The following PCSK7 variants were observed in gnomAD, a reference collection of about 807,000 sequenced individuals.
PCSK7 encodes lymphoma proprotein convertase.
Under a neutral mutation model 73.3 loss-of-function variants are expected in PCSK7, and 38 were observed. The observed-to-expected ratio is 0.52, with a 90% CI of 0.40 to 0.68. The LOEUF (loss-of-function observed/expected upper bound fraction) is 0.68, where lower values mean the gene tolerates loss of function less well. PCSK7 is among the 30% of genes least tolerant of loss of function. PCSK7 has a pLI of 0.00. For synonymous variants in PCSK7, 296 were observed against 383.8 expected (o/e 0.77, Z 2.68); for missense variants, 692 against 991.5 (o/e 0.70, Z 4.06).
chr11:117,225,808 T>C (rs1332380474), intron 6 of PCSK7, 123 bp downstream of exon 6: 18 of 675,222 alleles, frequency 2.7e-5, no homozygotes, highest in Non-Finnish European at 4.0e-5. Context: ...AATGGACTTA[T>C]TAGCTGAACC....
At chr11:117,223,527 G>A (rs559509469) in intron 8 of PCSK7, 1 of 567,988 alleles carries the variant, frequency 1.8e-6, no homozygotes, top group South Asian at 2.2e-5. Context: ...CATTCTTTCA[G>A]TAGGCTCTGG....
At chr11:117,226,133 A>T in intron 5 of PCSK7, 112 bp from the exon 6 acceptor site, 5 of 663,602 alleles carry the variant, frequency 7.5e-6, no homozygotes, top group Admixed American at 2.5e-5. Flanking sequence ...TGCTCTTTGT[A>T]CATTTTGCTT....
In PCSK7 at chr11:117,219,420, C is replaced by T. The variant is rs535787779; in HGVS notation, c.1323+171G>A. ...CTTTGCAGATAAAATGAGTTTAGGC[C>T]TGTGGTCTTTGTGGGGTCCCCACAC... On this transcript the variant is annotated intron_variant, in intron 10 of 16. Transcript: ENST00000320934. 64 of 685,846 alleles carry T rather than the reference C, an allele frequency of 9.3e-5. No homozygotes were observed. In the East Asian group the frequency reaches 1.6e-3, roughly 17 times the overall value. 42.5% of individuals were successfully genotyped at this position (685,846 alleles called of 1,614,324 possible). A position where few individuals can be genotyped will look rare whatever the true frequency, so the allele number is the denominator to read the frequency against.
In PCSK7 at chr11:117,206,114, G is replaced by T; in HGVS notation, c.2241C>A (p.Leu747=). The T allele has an allele frequency of 6.3e-7, 1 of 1,595,762 alleles. No individual in the cohort carries two copies. The highest frequency in any genetic ancestry group is 1.7e-4 in the Middle Eastern group (1 of 5,960). Residue 747 remains leucine (L), a synonymous_variant, in exon 17 of 17, where the codon CTC becomes CTA. Transcript: ENST00000320934. ...CTTGCTCCAGCAGGTCTGGGGCAAG[G>T]AGGTCAGAGGTGGTGGGAGGGCCCC... The part of the protein sequence containing the change: ...ESRGPPTTSD[L]LAPDLLEQGD...
intron 12 of PCSK7, chr11:117,210,360 CTT>C (rs58512680): frequency 1.6e-4 from 22 of 133,948 alleles, no homozygotes; most frequent in Admixed American, 3.0e-4. Flanking sequence ...GAGAACGATT[CTT>C]TTTTTTTTTT....
chr11:117,226,778 A>C, intron 5 of PCSK7: 1 of 185,604 alleles, frequency 5.4e-6, no homozygotes, highest in Non-Finnish European at 1.1e-5. Flanking sequence ...CCAGGGAGGA[A>C]TAGGGCTGCT....
Position 117,218,871 on chromosome 11 carries a change from A to C in PCSK7, c.1431+186T>G. ...TATTAGTAGTTTGGAAACTTCAGTGATAGCATTGAGCCTGCTTTCTCATTT... is the reference window on the plus strand; with the variant it reads ...TATTAGTAGTTTGGAAACTTCAGTGCTAGCATTGAGCCTGCTTTCTCATTT... On this transcript the variant is annotated intron_variant, in intron 11 of 16. Transcript: ENST00000320934. The surrounding 1 kb of genome is among the most constrained non-coding windows in gnomAD (Gnocchi z 4.0). The C allele has an allele frequency of 1.7e-6, 1 of 589,806 alleles. No individual in the cohort carries two copies. Among genetic ancestry groups the C allele is most frequent in the East Asian group, 2.8e-5 (1 of 35,918 alleles). The allele number at this position is 589,806 out of a possible 1,614,324, so 36.5% of individuals were successfully genotyped here.
chr11:117,224,336 G>A (rs2032325965), intron 7 of PCSK7, 120 bp from the exon 8 acceptor site: 1 of 958,762 alleles, frequency 1.0e-6, no homozygotes, highest in African/African-American at 1.6e-5. Context: ...AAAGGGCACT[G>A]GGCATGGGGG....
In PCSK7 at chr11:117,208,819, G is replaced by A. The variant is rs1383841385; in HGVS notation, c.1691+78C>T. On this transcript the variant is annotated intron_variant, in intron 13 of 16. Coordinates refer to ENST00000320934, the MANE Select transcript of PCSK7 (RefSeq NM_004716.4). ...CCACAGTAGTTTAGGACAGTGCCAG[G>A]ATCCACTTCTTCCATTTCTTTTCCC... The A allele has an allele frequency of 5.7e-5, 80 of 1,402,742 alleles. No individual in the cohort carries two copies. The African/African-American group carries it at 1.0e-3, about 18-fold the overall frequency. The allele number at this position is 1,402,742 out of a possible 1,614,324, so 86.9% of individuals were successfully genotyped here.
chr11:117,219,791 G>C, intron 9 of PCSK7, 33 bp from the exon 10 acceptor site: 2 of 1,532,086 alleles, frequency 1.3e-6, no homozygotes, highest in African/African-American at 1.4e-5. Flanking sequence ...AAGTAGGTTA[G>C]AGACTGAGTT....
At position 117,229,821 on chromosome 11, in the gene PCSK7, C is replaced by G; in HGVS notation, c.24G>C (p.Val8=). Reference sequence around the variant, plus strand: ...GGCCCAGGGGGGCATCCAAGTGTGGCACTTTCTGCCTCCCCTTCGGCATCA... The same window carrying G: ...GGCCCAGGGGGGCATCCAAGTGTGGGACTTTCTGCCTCCCCTTCGGCATCA... MPKGRQK[V]PHLDAPLGLP... is the part of the protein sequence containing the mutation. The change falls in exon 3 of 17, where the codon GTG becomes GTC. Residue 8 remains valine (V), a synonymous_variant. Transcript: ENST00000320934. 6.3e-7 allele frequency: 1 copy of G among 1,576,436 alleles called. No individual in the cohort carries two copies.
At chr11:117,231,144 C>T (rs528872813) in intron 1 of PCSK7, 1 of 152,062 alleles carries the variant, frequency 6.6e-6, no homozygotes, top group Admixed American at 6.6e-5. Context: ...GGCTGGGCTC[C>T]TTTAAAAGCC....
Position 117,219,844 on chromosome 11 carries a change from G to A in PCSK7, c.1156-86C>T, listed in dbSNP as rs1354509879. The A allele has an allele frequency of 9.2e-6, 9 of 974,700 alleles. No individual in the cohort carries two copies. In the East Asian group the frequency reaches 2.7e-4, roughly 29 times the overall value. The allele number at this position is 974,700 out of a possible 1,614,324, so 60.4% of individuals were successfully genotyped here. On this transcript the variant is annotated intron_variant, in intron 9 of 16. Coordinates refer to ENST00000320934, the MANE Select transcript of PCSK7 (RefSeq NM_004716.4). The stretch of plus-strand genomic sequence containing the variant: ...TGTGCACCTATAGTCCCGGCTACCT[G>A]GGAGGCCCAGGCAGGAGGATTGCTT...
At chr11:117,210,944 AAAT>A (rs2031703891) in intron 12 of PCSK7, 1 of 152,224 alleles carries the variant, frequency 6.6e-6, no homozygotes, top group African/African-American at 2.4e-5. Context: ...TCAAAAAAAA[AAAT>A]TATTCCAATA....
At chr11:117,227,109 G>A in intron 5 of PCSK7, 48 bp downstream of exon 5, 3 of 1,479,512 alleles carry the variant, frequency 2.0e-6, no homozygotes, top group East Asian at 2.3e-5. Flanking sequence ...AATGAAGACT[G>A]TGGTCACAGG....
intron 12 of PCSK7, chr11:117,216,068 G>A (rs906759165): frequency 1.3e-5 from 2 of 152,102 alleles, no homozygotes; most frequent in Non-Finnish European, 2.9e-5. Flanking sequence ...TTGAACTCAT[G>A]AGCGTAAACA....
intron 12 of PCSK7, chr11:117,216,290 G>C (rs1262916778): frequency 6.6e-6 from 1 of 152,084 alleles, no homozygotes; most frequent in Non-Finnish European, 1.5e-5. Flanking sequence ...TCTATCTCAG[G>C]GATGTTCAGC....
rs1358113485 is a variant in PCSK7, at chr11:117,206,250, C to G, written c.2105G>C (p.Gly702Ala). Residue 702 changes from glycine (G) to alanine (A), a missense_variant, in exon 17 of 17, where the codon GGA (glycine) becomes GCA (alanine). Around this residue, in one of 6 missense-constraint regions of PCSK7, gnomAD observed 78 missense variants for 102.6 expected, o/e 0.76. Transcript: ENST00000320934. ...NVASNQVCRS[G>A]PCHWPHRSRK... is the part of the protein sequence containing the mutation. ...GCTCCGATGGGGCCAGTGGCAGGGTCCACTCCTACAAACTTGATTGGAAGC... is the reference window on the plus strand; with the variant it reads ...GCTCCGATGGGGCCAGTGGCAGGGTGCACTCCTACAAACTTGATTGGAAGC... 8 of 1,614,038 alleles carry G rather than the reference C, an allele frequency of 5.0e-6. No individual in the cohort carries two copies. The highest frequency in any genetic ancestry group is 6.8e-6 in the Non-Finnish European group (8 of 1,180,028).
chr11:117,213,054 G>C (rs1189178165), intron 12 of PCSK7: 1 of 152,252 alleles, frequency 6.6e-6, no homozygotes, highest in East Asian at 1.9e-4. Flanking sequence ...CTTCCTTAGT[G>C]GCAGGAGACA....
Sources: gnomAD v4.1 joint callset for allele counts on GRCh38, gnomAD v4.1.1 for gene constraint, gnomAD v4.1.1 regional missense constraint, Gnocchi (gnomAD v3.1) non-coding constraint, MANE v1.5 for transcripts, NCBI Gene and HGNC (gene_info 2026-07-23, HGNC 2026-07-21) for gene names.